BPNT1: variants seen among roughly 807,000 people sequenced by gnomAD.
BPNT1 encodes 3'(2'),5'-bisphosphate nucleotidase 1.
In BPNT1, 28 loss-of-function variants were observed where a neutral mutation model predicts 36.9. That is an observed-to-expected ratio of 0.76 (90% CI 0.56 to 1.04). The LOEUF is 1.04. Among genes scored for constraint, BPNT1 ranks in the 50% least tolerant of loss-of-function variants. The pLI is 0.00. For missense variants in BPNT1, 313 were observed against 372.9 expected (o/e 0.84, Z 1.32); for synonymous variants, 119 against 130.9 (o/e 0.91, Z 0.62).
intron 1 of BPNT1, among the ~76,000 whole-genome samples, chr1:220,087,046 CAAAAAAA>C (rs1195166426): frequency 2.0e-5 from 1 of 51,264 alleles, no homozygotes; most frequent in Non-Finnish European, 4.0e-5. Flanking sequence ...GACTCCGTCT[CAAAAAAA>C]AAAAAAAAAA....
chr1:220,074,920 A>C lies in BPNT1; in HGVS notation c.121-849T>G, dbSNP rs1029985339. ...GATACTCATGCTAGTGAAAGAGAAA[A>C]GTTTTGCAAGTGACAACCACAACCT... On this transcript the variant is annotated intron_variant, in intron 2 of 8. Coordinates refer to ENST00000322067, the MANE Select transcript of BPNT1 (RefSeq NM_006085.6). Among the ~76,000 whole-genome samples the C allele has an allele frequency of 9.8e-5, 15 of 152,312 alleles. No homozygotes were observed. In the East Asian group the frequency reaches 2.9e-3, roughly 29 times the overall value.
In BPNT1 at chr1:220,069,436, A is replaced by C. The variant is rs1176175762; in HGVS notation, c.334-4T>G. On this transcript the variant is annotated splice_polypyrimidine_tract_variant and splice_region_variant and intron_variant, in intron 4 of 8. Transcript: ENST00000322067. Reference sequence around the variant, plus strand: ...GAGGATCAACCCAGACCACGAGCTAAAATTAAAAAGAGAGAAGGAAAATAT... The same window carrying C: ...GAGGATCAACCCAGACCACGAGCTACAATTAAAAAGAGAGAAGGAAAATAT... The C allele has an allele frequency of 6.2e-7, 1 of 1,601,308 alleles. No homozygotes were observed. Among genetic ancestry groups the C allele is most frequent in the Admixed American group, 1.7e-5 (1 of 57,590 alleles).
intron 4 of BPNT1, among the ~76,000 whole-genome samples, chr1:220,072,407 T>C (rs1314055087): frequency 6.6e-6 from 1 of 151,498 alleles, no homozygotes; most frequent in Non-Finnish European, 1.5e-5. Context: ...TCAACCTCCA[T>C]GGGCTCAGGT....
intron 1 of BPNT1, among the ~76,000 whole-genome samples, chr1:220,087,358 C>T (rs1655832941): frequency 6.6e-6 from 1 of 152,030 alleles, no homozygotes. Flanking sequence ...AGTTCAAGAC[C>T]AGCCTGACCA....
At position 220,058,730 on chromosome 1, in the gene BPNT1, T is replaced by C; in HGVS notation, c.*114A>G. On this transcript the variant is annotated 3_prime_UTR_variant, in exon 9 of 9. Transcript: ENST00000322067. ...TTTTTGTAGAGATGGGGTCTCACGA[T>C]ATTGCCCAGGCTGGTCTCAAACTCC... The C allele has an allele frequency of 1.9e-6, 2 of 1,077,368 alleles. No individual in the cohort carries two copies. Among genetic ancestry groups the C allele is most frequent in the Non-Finnish European group, 2.7e-6 (2 of 738,416 alleles). 66.7% of individuals were successfully genotyped at this position (1,077,368 alleles called of 1,614,324 possible). A position where few individuals can be genotyped will look rare whatever the true frequency, so the allele number is the denominator to read the frequency against.
chr1:220,069,563 A>G (rs1171748275), intron 4 of BPNT1, 131 bp from the exon 5 acceptor site: 4 of 612,952 alleles, frequency 6.5e-6, no homozygotes, highest in East Asian at 6.1e-5. Flanking sequence ...AATTAATGTC[A>G]TCTGTTTTGA....
At chr1:220,081,265 G>A (rs989582056) in intron 1 of BPNT1, among the ~76,000 whole-genome samples, 3 of 152,116 alleles carry the variant, frequency 2.0e-5, no homozygotes, top group Middle Eastern at 3.2e-3. Flanking sequence ...AATTCAGGCC[G>A]GGCACGGTGA....
chr1:220,079,783 C>T lies in BPNT1; in HGVS notation c.64G>A (p.Ala22Thr). ...VASAYSIAQKAGMIVRRVIAE... is the reference protein window; with the variant it reads ...VASAYSIAQKTGMIVRRVIAE... ...ATAACACGTCTGACTATCATTCCTG[C>T]CTTTTGAGCAATAGAATATGCGGAG... Residue 22 changes from alanine to threonine, a missense_variant, in exon 2 of 9, where the codon GCA becomes ACA. By Grantham distance (58) the Ala-to-Thr change is moderately conservative. Transcript: ENST00000322067. 1 of 1,614,132 alleles carries T rather than the reference C, an allele frequency of 6.2e-7. No individual in the cohort carries two copies. The highest frequency in any genetic ancestry group is 8.5e-7 in the Non-Finnish European group (1 of 1,180,018).
chr1:220,058,970 C>A lies in BPNT1; in HGVS notation c.801G>T (p.Gly267=), dbSNP rs377657930. The A allele has an allele frequency of 8.7e-6, 14 of 1,613,490 alleles. No individual in the cohort carries two copies. The highest frequency in any genetic ancestry group is 2.7e-5 in the African/African-American group (2 of 74,900). The part of the protein sequence containing the change: ...AVGGKLTDIH[G]NVLQYHKDVK... ...CATCCTTGTGGTACTGAAGAACATT[C>A]CCATGGATATCGGTTAACTTGCCTA... Residue 267 remains glycine (G), a synonymous_variant, in exon 9 of 9, where the codon GGG becomes GGT. Coordinates refer to ENST00000322067, the MANE Select transcript of BPNT1 (RefSeq NM_006085.6).
intron 1 of BPNT1, among the ~76,000 whole-genome samples, chr1:220,085,126 T>A (rs1322299824): frequency 1.3e-5 from 2 of 151,876 alleles, no homozygotes; most frequent in African/African-American, 2.4e-5. Flanking sequence ...AAAAAATCTA[T>A]ACAAGAGGTC....
At chr1:220,066,965 T>TAA (rs1265994277) in intron 6 of BPNT1, 1 of 152,322 alleles carries the variant, frequency 6.6e-6, no homozygotes, top group Non-Finnish European at 1.5e-5. Context: ...TCATAAGGAA[T>TAA]AAATTAAAAA....
chr1:220,078,419 A>G (rs934836717), intron 2 of BPNT1, among the ~76,000 whole-genome samples: 277 of 142,668 alleles, frequency 1.9e-3, no homozygotes, highest in Non-Finnish European at 3.5e-3. Flanking sequence ...AATTTATAAT[A>G]ATAAATAATA....
chr1:220,080,923 C>T (rs1051814835), intron 1 of BPNT1, among the ~76,000 whole-genome samples: 5 of 152,202 alleles, frequency 3.3e-5, no homozygotes, highest in African/African-American at 1.2e-4. Flanking sequence ...TCTCTAGCGC[C>T]AATGAAATAA....
intron 7 of BPNT1, among the ~76,000 whole-genome samples, chr1:220,060,034 C>T (rs570300557): frequency 7.2e-5 from 11 of 152,148 alleles, no homozygotes; most frequent in Non-Finnish European, 1.6e-4. Context: ...AAAAAAGCTA[C>T]AAAGAGGATA....
chr1:220,063,289 A>C lies in BPNT1; in HGVS notation c.475-335T>G, dbSNP rs185174323. Among the ~76,000 whole-genome samples the C allele has an allele frequency of 3.1e-3, 468 of 152,286 alleles. 1 individual carries two copies. The highest frequency in any genetic ancestry group is 0.01 in the African/African-American group (436 of 41,572). ...CGTGAACCTGGGAGGTGGAGGTTGC[A>C]GTGAGCCAAGATCACGCCACTACAC... On this transcript the variant is annotated intron_variant, in intron 6 of 8. Transcript: ENST00000322067.
intron 2 of BPNT1, among the ~76,000 whole-genome samples, chr1:220,078,134 T>C (rs1664723325): frequency 6.7e-6 from 1 of 149,246 alleles, no homozygotes; most frequent in South Asian, 2.1e-4. Flanking sequence ...TCAGTAGGAC[T>C]GTGCCACTGC....
At position 220,062,770 on chromosome 1, in the gene BPNT1, C is replaced by G; in HGVS notation, c.659G>C (p.Gly220Ala). The G allele has an allele frequency of 6.2e-7, 1 of 1,614,182 alleles. No homozygotes were observed. The highest frequency in any genetic ancestry group is 8.5e-7 in the Non-Finnish European group (1 of 1,180,022). Residue 220 changes from glycine (G) to alanine (A), a missense_variant, in exon 7 of 9, where the codon GGA (glycine) becomes GCA (alanine). Physicochemically the swap from Gly to Ala is moderately conservative, Grantham distance 60 (BLOSUM62 0). Transcript: ENST00000322067. ...CATTTTTCATACCTTATTTCCTGCT[C>G]CTCCTACTCGCAGCACAGCATCGGG... ...MNPDAVLRVG[G>A]AGNKIIQLIE...
chr1:220,074,078 T>G lies in BPNT1; in HGVS notation c.121-7A>C. On this transcript the variant is annotated splice_polypyrimidine_tract_variant and splice_region_variant and intron_variant, in intron 2 of 8. Coordinates refer to ENST00000322067, the MANE Select transcript of BPNT1 (RefSeq NM_006085.6). The stretch of plus-strand genomic sequence containing the variant: ...GCAGGTCTGTTGCACAGGTCTGTAA[T>G]AAAGAATGCAAATTTTAGCAGAGCT... 1 of 1,607,972 alleles carries G rather than the reference T, an allele frequency of 6.2e-7. No homozygotes were observed. The highest frequency in any genetic ancestry group is 1.1e-5 in the South Asian group (1 of 89,242).
chr1:220,071,845 G>A (rs936586535), intron 4 of BPNT1, among the ~76,000 whole-genome samples: 2 of 151,702 alleles, frequency 1.3e-5, no homozygotes, highest in African/African-American at 2.4e-5. Flanking sequence ...GTGCCACCAC[G>A]CCCAGCTAAT....
Sources: gnomAD v4.1 joint callset for allele counts (sites outside exome capture counted in the v4.1 genomes callset) on GRCh38, gnomAD v4.1.1 for gene constraint, MANE v1.5 for transcripts, NCBI Gene and HGNC (gene_info 2026-07-23, HGNC 2026-07-21) for gene names.